The following ARHGAP28 variants were observed in gnomAD, a reference collection of about 807,000 sequenced individuals.
The protein encoded by ARHGAP28 is Rho GTPase activating protein 28, also known as rho GTPase-activating protein 28.
A neutral mutation model predicts 90.7 loss-of-function variants in ARHGAP28; 56 were observed. That is an observed-to-expected ratio of 0.62 (90% CI 0.50 to 0.77). The LOEUF (loss-of-function observed/expected upper bound fraction) is 0.77. Ranked by LOEUF, ARHGAP28 falls within the 30% of genes least tolerant of loss-of-function variation. The pLI is 0.00. For synonymous variants in ARHGAP28, 308 were observed against 323.3 expected (o/e 0.95, Z 0.51); for missense variants, 869 against 900.9 (o/e 0.96, Z 0.45).
intron 2 of ARHGAP28, among the ~76,000 whole-genome samples, chr18:6,829,265 A>C (rs547882283): frequency 6.6e-6 from 1 of 152,276 alleles, no homozygotes; most frequent in African/African-American, 2.4e-5. Flanking sequence ...CTAGCTATTC[A>C]TATTAAACAC....
chr18:6,830,681 C>T (rs1285236433), intron 2 of ARHGAP28, among the ~76,000 whole-genome samples: 6 of 152,192 alleles, frequency 3.9e-5, no homozygotes, highest in Admixed American at 6.5e-5. Flanking sequence ...GTATTCCAGC[C>T]TCATCTCAAT....
chr18:6,866,756 C>G (rs1355311622), intron 5 of ARHGAP28, among the ~76,000 whole-genome samples: 4 of 152,164 alleles, frequency 2.6e-5, no homozygotes, highest in African/African-American at 9.7e-5. Context: ...GTACAATTAA[C>G]TGGCTAGGGG....
intron 1 of ARHGAP28, among the ~76,000 whole-genome samples, chr18:6,735,885 G>A (rs2055922598): frequency 6.6e-6 from 1 of 152,134 alleles, no homozygotes; most frequent in African/African-American, 2.4e-5. Flanking sequence ...GAAATCTGTG[G>A]AAGTAATATT....
intron 3 of ARHGAP28, among the ~76,000 whole-genome samples, chr18:6,844,273 T>C (rs574427736): frequency 6.6e-6 from 1 of 152,342 alleles, no homozygotes; most frequent in African/African-American, 2.4e-5. Context: ...TTTTTCTCTC[T>C]GAAGAAGACG....
chr18:6,837,460 G>A (rs1423839342), intron 3 of ARHGAP28, 46 bp downstream of exon 3: 1 of 1,233,892 alleles, frequency 8.1e-7, no homozygotes. Context: ...TAGTTTGACT[G>A]GGGATGGGGT....
chr18:6,839,158 A>G (rs1019037757), intron 3 of ARHGAP28, among the ~76,000 whole-genome samples: 1 of 152,216 alleles, frequency 6.6e-6, no homozygotes. Flanking sequence ...AATGAAGGAC[A>G]AGTAACGTGT....
At position 6,841,177 on chromosome 18, in the gene ARHGAP28, TCTC is replaced by T. The variant is rs1317199858; in HGVS notation, c.543+3767_543+3769del. Among the ~76,000 whole-genome samples, 207 of 73,108 alleles carry T rather than the reference TCTC, an allele frequency of 2.8e-3. 2 individuals carry two copies. Among genetic ancestry groups the T allele is most frequent in the African/African-American group, 3.7e-3 (55 of 14,798 alleles). The allele number at this position is 73,108 out of a possible 152,430, so 48.0% of individuals were successfully genotyped here. A position where few individuals can be genotyped will look rare whatever the true frequency, so the allele number is the denominator to read the frequency against. On this transcript the variant is annotated intron_variant, in intron 3 of 17. Transcript: ENST00000383472. Reference sequence around the variant, plus strand: ...CCTCTTTCTCTCTCTCCTCTCTCTCTCTCCTCTCTCTCTCTCTCTCTCTCTCCT... The same window carrying T: ...CCTCTTTCTCTCTCTCCTCTCTCTCTCTCTCTCTCTCTCTCTCTCTCTCCT...
At chr18:6,885,326 A>C (rs1389255953) in intron 11 of ARHGAP28, among the ~76,000 whole-genome samples, 1 of 152,150 alleles carries the variant, frequency 6.6e-6, no homozygotes, top group Admixed American at 6.5e-5. Flanking sequence ...CACCTAAGTA[A>C]GCTCTAGTTG....
Position 6,908,984 on chromosome 18 carries a change from G to GA in ARHGAP28, c.2056dup (p.Ile686AsnfsTer8). On this transcript the variant is annotated frameshift_variant, in exon 17 of 18. Coordinates refer to ENST00000383472, the MANE Select transcript of ARHGAP28 (RefSeq NM_001366230.1). LOFTEE classifies it high-confidence loss of function. ...GTCATGGTTCATCAGAATGTATTAAGATTCAGAACCAAAGGTTATATGAAA... is the reference window on the plus strand; with the variant it reads ...GTCATGGTTCATCAGAATGTATTAAGAATTCAGAACCAAAGGTTATATGAAA... 1 of 1,541,524 alleles carries GA rather than the reference G, an allele frequency of 6.5e-7. No individual in the cohort carries two copies. Among genetic ancestry groups the GA allele is most frequent in the African/African-American group, 1.4e-5 (1 of 72,836 alleles).
At chr18:6,841,171 T>TCTCTCTCTCTCTCTCTCTCTCTCTCTCTC (rs2056812324) in intron 3 of ARHGAP28, among the ~76,000 whole-genome samples, 2 of 57,492 alleles carry the variant, frequency 3.5e-5, no homozygotes, top group African/African-American at 1.2e-4. Context: ...CTCTCTCCTC[T>TCTCTCTCTCTCTCTCTCTCTCTCTCTCTC]CTCTCTCTCC....
intron 7 of ARHGAP28, among the ~76,000 whole-genome samples, chr18:6,871,715 T>C (rs1436031136): frequency 1.3e-5 from 2 of 152,118 alleles, no homozygotes; most frequent in African/African-American, 4.8e-5. Context: ...CCCAGGCAGT[T>C]TCAGAGCTAA....
At chr18:6,891,464 T>C (rs1049743291) in intron 14 of ARHGAP28, among the ~76,000 whole-genome samples, 7 of 151,966 alleles carry the variant, frequency 4.6e-5, no homozygotes, top group African/African-American at 1.7e-4. Flanking sequence ...AGGGTATTTT[T>C]AGTAGAGTAG....
intron 2 of ARHGAP28, among the ~76,000 whole-genome samples, chr18:6,832,233 C>A (rs772271436): frequency 1.3e-5 from 2 of 151,484 alleles, no homozygotes; most frequent in Admixed American, 1.3e-4. Flanking sequence ...TTTTTCTAGA[C>A]ATGTTGTTAT....
intron 14 of ARHGAP28, among the ~76,000 whole-genome samples, chr18:6,893,816 A>C (rs1210871363): frequency 6.6e-6 from 1 of 152,044 alleles, no homozygotes; most frequent in Non-Finnish European, 1.5e-5. Context: ...CAAACACTTA[A>C]AGACAAAGAA....
chr18:6,879,628 A>G (rs772800699), intron 10 of ARHGAP28, among the ~76,000 whole-genome samples: 1 of 152,228 alleles, frequency 6.6e-6, no homozygotes, highest in Non-Finnish European at 1.5e-5. Flanking sequence ...TCCAGACAGT[A>G]TGACGCGGTA....
intron 1 of ARHGAP28, chr18:6,791,664 C>T (rs1451846587): frequency 6.6e-6 from 1 of 152,072 alleles, no homozygotes; most frequent in Non-Finnish European, 1.5e-5. Flanking sequence ...CTTGAATTTC[C>T]AGAATGGTGA....
At position 6,837,407 on chromosome 18, in the gene ARHGAP28, A is replaced by T. The variant is rs201543358; in HGVS notation, c.536A>T (p.Glu179Val). The T allele has an allele frequency of 2.3e-5, 37 of 1,613,092 alleles. No homozygotes were observed. In the East Asian group the frequency reaches 8.0e-4, roughly 35 times the overall value. ...RDVRDIFGVS[E>V]SPPRDTCGNH... ...GTCAGAGACATTTTTGGAGTCAGTG[A>T]ATCTCCTGTAAGTAATGGCTCAAAC... is the stretch of plus-strand genomic sequence containing the variant. Residue 179 changes from glutamate (E) to valine (V), a missense_variant, in exon 3 of 18, where the codon GAA becomes GTA. Glu to Val is a moderately radical substitution (Grantham distance 121). Transcript: ENST00000383472.
At chr18:6,745,446 CACAA>C (rs1321445320) in intron 1 of ARHGAP28, among the ~76,000 whole-genome samples, 1 of 152,098 alleles carries the variant, frequency 6.6e-6, no homozygotes, top group Non-Finnish European at 1.5e-5. Context: ...AAGCCATACC[CACAA>C]ACAAATAAAA....
At chr18:6,824,455 TG>T (rs1194335054) in intron 1 of ARHGAP28, among the ~76,000 whole-genome samples, 1 of 152,076 alleles carries the variant, frequency 6.6e-6, no homozygotes, top group Admixed American at 6.6e-5. Flanking sequence ...GAGAATCGCT[TG>T]AACCCAGGAG....
Sources: gnomAD v4.1 joint callset for allele counts (sites outside exome capture counted in the v4.1 genomes callset) on GRCh38, gnomAD v4.1.1 for gene constraint, MANE v1.5 for transcripts, NCBI Gene and HGNC (gene_info 2026-07-23, HGNC 2026-07-21) for gene names.